GABRA4: variants seen among roughly 807,000 people sequenced by gnomAD.
The protein encoded by GABRA4 is gamma-aminobutyric acid receptor subunit alpha-4.
Under a neutral mutation model 49.7 loss-of-function variants are expected in GABRA4, and 12 were observed. That is an observed-to-expected ratio of 0.24 (90% confidence interval 0.15 to 0.39). The LOEUF (loss-of-function observed/expected upper bound fraction) is 0.39, where lower values mean the gene tolerates loss of function less well. Ranked by LOEUF, GABRA4 falls within the 10% of genes least tolerant of loss-of-function variation. GABRA4 has a pLI of 1.00. For synonymous variants in GABRA4, 288 were observed against 240.2 expected, an observed-to-expected ratio of 1.20 and a Z score of -1.84; for missense variants, 506 against 686.0, an observed-to-expected ratio of 0.74 and a Z score of 2.93.
intron 2 of GABRA4, among the ~76,000 whole-genome samples, chr4:46,980,325 T>C (rs187861313): frequency 5.4e-5 from 8 of 147,728 alleles, no homozygotes; most frequent in African/African-American, 2.0e-4. Context: ...GCTATGAAGA[T>C]GAAATAATCT....
chr4:46,981,269 A>G (rs1319028755), intron 2 of GABRA4, among the ~76,000 whole-genome samples: 1 of 152,106 alleles, frequency 6.6e-6, no homozygotes, highest in Admixed American at 6.6e-5. Flanking sequence ...AATTAGGCCA[A>G]TGATATTTTT....
intron 8 of GABRA4, among the ~76,000 whole-genome samples, chr4:46,944,150 G>C (rs761456875): frequency 1.3e-5 from 2 of 152,042 alleles, no homozygotes; most frequent in African/African-American, 2.4e-5. Context: ...ACACAAAAAA[G>C]TATCTATGTT....
intron 8 of GABRA4, among the ~76,000 whole-genome samples, chr4:46,946,952 A>C (rs115869314): frequency 0.014 from 2,059 of 152,186 alleles, 40 homozygotes; most frequent in African/African-American, 0.047. Flanking sequence ...ATGCCGTGGA[A>C]GCCTGCTGGT....
At chr4:46,947,733 T>C (rs1191774208) in intron 8 of GABRA4, among the ~76,000 whole-genome samples, 2 of 152,006 alleles carry the variant, frequency 1.3e-5, no homozygotes, top group African/African-American at 4.8e-5. Context: ...GGCAGAGTCA[T>C]TATTTGAACT....
chr4:46,946,270 C>T (rs971637694), intron 8 of GABRA4, among the ~76,000 whole-genome samples: 2 of 152,094 alleles, frequency 1.3e-5, no homozygotes, highest in African/African-American at 4.8e-5. Context: ...AGATTCTAGC[C>T]AGCTATATTG....
chr4:46,979,569 T>G (rs1188507382), intron 2 of GABRA4, among the ~76,000 whole-genome samples: 1 of 152,038 alleles, frequency 6.6e-6, no homozygotes, highest in Non-Finnish European at 1.5e-5. Context: ...TTAAAAATGA[T>G]TCATGTCACC....
intron 7 of GABRA4, 65 bp downstream of exon 7, chr4:46,971,018 T>C: frequency 6.8e-7 from 1 of 1,461,216 alleles, no homozygotes; most frequent in South Asian, 1.2e-5. Flanking sequence ...TTCTTAGAAA[T>C]ATCCCATGAA....
At position 46,919,555 on chromosome 4, in the gene GABRA4, C is replaced by A. The variant is rs1251204554; in HGVS notation, c.*8670G>T. The A allele has an allele frequency of 6.6e-6, 1 of 151,430 alleles. No individual in the cohort carries two copies. Among genetic ancestry groups the A allele is most frequent in the Non-Finnish European group, 1.5e-5 (1 of 67,530 alleles). 9.4% of individuals were successfully genotyped at this position (151,430 alleles called of 1,614,324 possible). A position where few individuals can be genotyped will look rare whatever the true frequency, so the allele number is the denominator to read the frequency against. On this transcript the variant is annotated 3_prime_UTR_variant, in exon 9 of 9. Transcript: ENST00000264318. Reference sequence around the variant, plus strand: ...AAGAATATTGAAGCTCAGATGATAACAAATTTAGTTTTTATGATATGAGGA... The same window carrying A: ...AAGAATATTGAAGCTCAGATGATAAAAAATTTAGTTTTTATGATATGAGGA...
intron 8 of GABRA4, among the ~76,000 whole-genome samples, chr4:46,950,428 A>C (rs1441805910): frequency 2.0e-5 from 3 of 152,038 alleles, no homozygotes; most frequent in Non-Finnish European, 4.4e-5. Context: ...AATTCTTATT[A>C]ATTATCTCTT....
chr4:46,968,810 C>T (rs1339847571), intron 7 of GABRA4, among the ~76,000 whole-genome samples: 1 of 151,458 alleles, frequency 6.6e-6, no homozygotes, highest in Non-Finnish European at 1.5e-5. Context: ...GTGAGATGAA[C>T]AGTACCTGTC....
At chr4:46,993,021 GT>G in intron 1 of GABRA4, 75 bp from the exon 2 acceptor site, 3 of 1,165,870 alleles carry the variant, frequency 2.6e-6, no homozygotes, top group Non-Finnish European at 3.8e-6. Flanking sequence ...GTGCAAACAG[GT>G]TTGTTTTCTA....
chr4:46,954,279 G>A (rs1041609781), intron 8 of GABRA4, among the ~76,000 whole-genome samples: 6 of 152,082 alleles, frequency 3.9e-5, no homozygotes, highest in Non-Finnish European at 8.8e-5. Context: ...TTAAAGAGCC[G>A]GGCACAGTGG....
Position 46,953,041 on chromosome 4 carries a change from G to C in GABRA4, c.1134+11929C>G, listed in dbSNP as rs73813750. ...TTAGGAAATATGTGCCAGATGTGCT[G>C]GGGAAGTGACGGAGTAAATGGAGAA... is the stretch of plus-strand genomic sequence containing the variant. On this transcript the variant is annotated intron_variant, in intron 8 of 8. Coordinates refer to ENST00000264318, the MANE Select transcript of GABRA4 (RefSeq NM_000809.4). 1.7e-3 allele frequency among the ~76,000 whole-genome samples: 265 copies of C among 152,188 alleles called. 1 individual carries two copies. The highest frequency in any genetic ancestry group is 5.8e-3 in the African/African-American group (242 of 41,562).
intron 8 of GABRA4, among the ~76,000 whole-genome samples, chr4:46,960,082 T>C (rs1202428509): frequency 2.0e-5 from 3 of 151,128 alleles, no homozygotes; most frequent in Non-Finnish European, 4.4e-5. Context: ...TAAGGAAAAT[T>C]TTAGTGATAA....
intron 8 of GABRA4, among the ~76,000 whole-genome samples, chr4:46,950,037 C>T (rs1722115786): frequency 6.6e-6 from 1 of 152,042 alleles, no homozygotes; most frequent in South Asian, 2.1e-4. Context: ...TCCTTGGTGC[C>T]ATTTTTAGAT....
In GABRA4 at chr4:46,923,609, G is replaced by A. The variant is rs1330933854; in HGVS notation, c.*4616C>T. The A allele has an allele frequency of 1.3e-5, 2 of 151,998 alleles. No homozygotes were observed. Among genetic ancestry groups the A allele is most frequent in the African/African-American group, 2.4e-5 (1 of 41,384 alleles). The allele number at this position is 151,998 out of a possible 1,614,324, so 9.4% of individuals were successfully genotyped here. ...AAAGAAAAAAGGAATAGAAGGCAAAGTTTAAGACAGGAAAGAAAAAATAAG... is the reference window on the plus strand; with the variant it reads ...AAAGAAAAAAGGAATAGAAGGCAAAATTTAAGACAGGAAAGAAAAAATAAG... On this transcript the variant is annotated 3_prime_UTR_variant, in exon 9 of 9. Coordinates refer to ENST00000264318, the MANE Select transcript of GABRA4 (RefSeq NM_000809.4).
At chr4:46,992,785 AG>A (rs1723808087) in intron 2 of GABRA4, 42 bp downstream of exon 2, 1 of 1,345,526 alleles carries the variant, frequency 7.4e-7, no homozygotes, top group Non-Finnish European at 1.1e-6. Flanking sequence ...AGACCAAGAG[AG>A]GGACAGACAG....
intron 6 of GABRA4, among the ~76,000 whole-genome samples, chr4:46,973,048 G>A (rs769077808): frequency 2.0e-5 from 3 of 151,592 alleles, no homozygotes; most frequent in Non-Finnish European, 4.4e-5. Flanking sequence ...GTATGACTTA[G>A]GCAAATACAT....
rs547456740 is a variant in GABRA4 at position 46,985,871 on chromosome 4, G to T, written c.206-6773C>A. Among the ~76,000 whole-genome samples, 10 of 151,376 alleles carry T rather than the reference G, an allele frequency of 6.6e-5. No homozygotes were observed. In the South Asian group the frequency reaches 1.7e-3, roughly 25 times the overall value. Reference sequence around the variant, plus strand: ...TTTTCTAAAAGACGTATTTCTTTCAGCTATGCCTTCCCACCAATCTAATGT... The same window carrying T: ...TTTTCTAAAAGACGTATTTCTTTCATCTATGCCTTCCCACCAATCTAATGT... On this transcript the variant is annotated intron_variant, in intron 2 of 8. Transcript: ENST00000264318.
Sources: gnomAD v4.1 joint callset for allele counts (sites outside exome capture counted in the v4.1 genomes callset) on GRCh38, gnomAD v4.1.1 for gene constraint, MANE v1.5 for transcripts, NCBI Gene and HGNC (gene_info 2026-07-23, HGNC 2026-07-21) for gene names.